Variants in PCDH15 observed in about 807,000 individuals in gnomAD.
PCDH15 encodes the protein protocadherin related 15.
PCDH15 carries 129 observed loss-of-function variants against 178.5 expected under a neutral mutation model. That is an observed-to-expected ratio of 0.72 (90% CI 0.63 to 0.84). The LOEUF (loss-of-function observed/expected upper bound fraction) is 0.84. Among genes scored for constraint, PCDH15 ranks in the 40% least tolerant of loss-of-function variants. The pLI, the probability that PCDH15 is intolerant of heterozygous loss-of-function variation, is 0.00. For missense variants in PCDH15, 2,230 were observed against 2,099.9 expected, an observed-to-expected ratio of 1.06 and a Z score of -1.21; for synonymous variants, 800 against 732.0, an observed-to-expected ratio of 1.09 and a Z score of -1.50.
chr10:54,909,515 C>T (rs933831752), intron 2 of PCDH15, among the ~76,000 whole-genome samples: 4 of 152,170 alleles, frequency 2.6e-5, no homozygotes, highest in African/African-American at 9.7e-5. Context: ...CATCTTTGCT[C>T]CCTGATTGAG....
At chr10:54,473,134 C>T (rs994756320) in intron 3 of PCDH15, among the ~76,000 whole-genome samples, 4 of 151,898 alleles carry the variant, frequency 2.6e-5, no homozygotes, top group Admixed American at 6.6e-5. Context: ...TCATTAAGAG[C>T]CGGAAAATGG....
chr10:55,531,673 T>C (rs1841456964), intron 2 of PCDH15, among the ~76,000 whole-genome samples: 1 of 152,042 alleles, frequency 6.6e-6, no homozygotes, highest in Non-Finnish European at 1.5e-5. Flanking sequence ...ACTAAAATTA[T>C]TGTGCAGGAA....
At chr10:54,640,659 T>C (rs1242031043) in intron 2 of PCDH15, among the ~76,000 whole-genome samples, 7 of 152,184 alleles carry the variant, frequency 4.6e-5, no homozygotes, top group Admixed American at 3.3e-4. Flanking sequence ...TTTCCTTCCT[T>C]ATTCTTGAAA....
intron 25 of PCDH15, among the ~76,000 whole-genome samples, chr10:53,915,333 A>C (rs1564758762): frequency 6.6e-6 from 1 of 152,178 alleles, no homozygotes; most frequent in Admixed American, 6.5e-5. Context: ...ATATTTAGCT[A>C]TATTTTTATA....
chr10:54,173,643 A>T (rs541649529), intron 13 of PCDH15, among the ~76,000 whole-genome samples: 1 of 152,282 alleles, frequency 6.6e-6, no homozygotes, highest in South Asian at 2.1e-4. Flanking sequence ...CCATTTATTC[A>T]TTTAACAAAT....
chr10:54,484,147 C>T (rs73255957), intron 3 of PCDH15, among the ~76,000 whole-genome samples: 8,381 of 151,872 alleles, frequency 0.055, 434 homozygotes, highest in African/African-American at 0.13. Context: ...TGCCAGCCCA[C>T]TGAATTGAAC....
chr10:53,870,892 T>A (rs925157648), intron 26 of PCDH15, among the ~76,000 whole-genome samples: 3 of 152,120 alleles, frequency 2.0e-5, no homozygotes, highest in East Asian at 3.9e-4. Context: ...TAAATCTGGG[T>A]CAATATGTGA....
At chr10:54,431,654 G>A (rs1299782638) in intron 3 of PCDH15, among the ~76,000 whole-genome samples, 1 of 152,148 alleles carries the variant, frequency 6.6e-6, no homozygotes, top group African/African-American at 2.4e-5. Flanking sequence ...GTATTATACT[G>A]AATGGGGAAA....
intron 2 of PCDH15, among the ~76,000 whole-genome samples, chr10:55,374,243 G>C (rs1845570608): frequency 6.6e-6 from 1 of 152,056 alleles, no homozygotes; most frequent in East Asian, 1.9e-4. Flanking sequence ...TGTGAGGAAG[G>C]GGTGGAGATT....
At chr10:55,029,024 TATTAATACTGC>T (rs1366237801) in intron 2 of PCDH15, among the ~76,000 whole-genome samples, 1 of 152,022 alleles carries the variant, frequency 6.6e-6, no homozygotes. Context: ...ATTAAAATAT[TATTAATACTGC>T]ATTGTACCAA....
In PCDH15 at chr10:54,921,325, T is replaced by A. The variant is rs553198411; in HGVS notation, c.-79-23825A>T. Among the ~76,000 whole-genome samples the A allele has an allele frequency of 7.9e-3, 1,206 of 151,954 alleles. 11 individuals are homozygous for A. The highest frequency in any genetic ancestry group is 0.028 in the African/African-American group (1,159 of 41,494). ...TTTTATTATTTTTATTTTTATTTAT[T>A]TTTTTTTACTTTTTAACTTTTAAGT... On this transcript the variant is annotated intron_variant, in intron 2 of 5. Coordinates refer to the PCDH15 transcript ENST00000458638.
At chr10:54,640,333 T>C (rs769653447) in intron 2 of PCDH15, among the ~76,000 whole-genome samples, 1 of 151,978 alleles carries the variant, frequency 6.6e-6, no homozygotes, top group Non-Finnish European at 1.5e-5. Context: ...CATTTAGGAA[T>C]ACTTACTATT....
At chr10:53,995,233 T>C (rs1326654164) in intron 21 of PCDH15, 1 of 172,940 alleles carries the variant, frequency 5.8e-6, no homozygotes, top group African/African-American at 2.4e-5. Context: ...CTTTTTAATT[T>C]ACCAAAATAA....
At chr10:54,531,069 G>A (rs2083862982) in intron 2 of PCDH15, among the ~76,000 whole-genome samples, 1 of 152,110 alleles carries the variant, frequency 6.6e-6, no homozygotes, top group Non-Finnish European at 1.5e-5. Context: ...AGACTAGAAA[G>A]CAATTTGGGG....
At chr10:54,182,652 C>A (rs1166032285) in intron 13 of PCDH15, among the ~76,000 whole-genome samples, 2 of 151,992 alleles carry the variant, frequency 1.3e-5, no homozygotes, top group African/African-American at 4.8e-5. Flanking sequence ...TACTATCTAA[C>A]TTAAATTTTC....
chr10:54,074,410 T>C (rs2094302123), intron 17 of PCDH15, among the ~76,000 whole-genome samples: 1 of 152,198 alleles, frequency 6.6e-6, no homozygotes, highest in African/African-American at 2.4e-5. Context: ...TTTTGACCAT[T>C]CTAAGTACCA....
At chr10:55,035,045 T>C (rs537773368) in intron 2 of PCDH15, among the ~76,000 whole-genome samples, 2 of 152,104 alleles carry the variant, frequency 1.3e-5, no homozygotes, top group Non-Finnish European at 2.9e-5. Context: ...AGAAAAGAAA[T>C]GTTTTTATGT....
At chr10:54,462,098 A>C (rs2077198851) in intron 3 of PCDH15, among the ~76,000 whole-genome samples, 1 of 152,108 alleles carries the variant, frequency 6.6e-6, no homozygotes, top group Non-Finnish European at 1.5e-5. Flanking sequence ...TATGTTACTC[A>C]GCTTTCAATT....
chr10:54,193,361 G>A (rs1292185796), intron 11 of PCDH15, among the ~76,000 whole-genome samples: 2 of 152,132 alleles, frequency 1.3e-5, no homozygotes, highest in Non-Finnish European at 2.9e-5. Context: ...TTGCTATTGT[G>A]TAAACTTAAA....
Sources: gnomAD v4.1 joint callset for allele counts (sites outside exome capture counted in the v4.1 genomes callset) on GRCh38, gnomAD v4.1.1 for gene constraint, MANE v1.5 for transcripts, NCBI Gene and HGNC (gene_info 2026-07-23, HGNC 2026-07-21) for gene names.